The following NEURL1 variants were observed in gnomAD, a reference collection of about 807,000 sequenced individuals.
NEURL1 encodes neuralized E3 ubiquitin protein ligase 1, also known as E3 ubiquitin-protein ligase NEURL1.
NEURL1 carries 26 observed loss-of-function variants against 41.2 expected under a neutral mutation model. That is an observed-to-expected ratio of 0.63 (90% confidence interval 0.46 to 0.87). The LOEUF is 0.87. Ranked by LOEUF, NEURL1 falls within the 40% of genes least tolerant of loss-of-function variation. NEURL1 has a pLI of 0.00. For synonymous variants in NEURL1, 400 were observed against 402.3 expected (o/e 0.99, Z 0.07); for missense variants, 761 against 871.1 (o/e 0.87, Z 1.59).
chr10:103,528,501 C>T (rs1592198590), intron 1 of NEURL1, among the ~76,000 whole-genome samples: 2 of 149,968 alleles, frequency 1.3e-5, no homozygotes. Flanking sequence ...TGCCACTGCA[C>T]TCCAGCCTGG....
chr10:103,526,200 T>A (rs920034096), intron 1 of NEURL1, among the ~76,000 whole-genome samples: 1 of 151,912 alleles, frequency 6.6e-6, no homozygotes, highest in Non-Finnish European at 1.5e-5. Context: ...TAGCTTTCTT[T>A]TTTTTGTTGT....
intron 4 of NEURL1, among the ~76,000 whole-genome samples, chr10:103,586,961 G>C (rs1340588491): frequency 1.1e-4 from 17 of 152,170 alleles, no homozygotes; most frequent in Admixed American, 1.1e-3. Context: ...TGAGGCAGGA[G>C]AATCACTTGA....
rs1419819384 is a variant in NEURL1 at position 103,584,919 on chromosome 10, T to C, written c.1033T>C (p.Ser345Pro). 1 of 1,472,912 alleles carries C rather than the reference T, an allele frequency of 6.8e-7. No individual in the cohort carries two copies. The highest frequency in any genetic ancestry group is 1.3e-5 in the South Asian group (1 of 77,316). 91.2% of individuals were successfully genotyped at this position (1,472,912 alleles called of 1,614,324 possible). ...AETIFVKVTR[S>P]GGARPGALSF... Reference sequence around the variant, plus strand: ...GACCATCTTCGTCAAGGTCACGCGCTCGGGTGGCGCGCGGCCCGGCGCGCT... The same window carrying C: ...GACCATCTTCGTCAAGGTCACGCGCCCGGGTGGCGCGCGGCCCGGCGCGCT... The change falls in exon 4 of 6, where the codon TCG becomes CCG. Residue 345 changes from serine to proline, a missense_variant. By Grantham distance (74) the Ser-to-Pro change is moderately conservative. Transcript: ENST00000369780.
Position 103,587,124 on chromosome 10 carries a change from G to A in NEURL1, c.1339+1899G>A, listed in dbSNP as rs80130740. Among the ~76,000 whole-genome samples, 176 of 152,172 alleles carry A rather than the reference G, an allele frequency of 1.2e-3. 4 individuals are homozygous for A. In the East Asian group the frequency reaches 0.031, roughly 27 times the overall value. The stretch of plus-strand genomic sequence containing the variant: ...AGCAGGCAAGATGAATCAGGCTTGG[G>A]TGAGAATTCAAGATGGAATAAAAAG... On this transcript the variant is annotated intron_variant, in intron 4 of 5. Transcript: ENST00000369780.
intron 1 of NEURL1, among the ~76,000 whole-genome samples, chr10:103,552,041 T>C (rs528925923): frequency 1.3e-5 from 2 of 151,780 alleles, no homozygotes; most frequent in South Asian, 4.2e-4. Flanking sequence ...TGAGATGTTT[T>C]CTGAGTGCCT....
intron 1 of NEURL1, among the ~76,000 whole-genome samples, chr10:103,505,568 T>C (rs575812646): frequency 3.9e-5 from 6 of 152,318 alleles, no homozygotes; most frequent in Non-Finnish European, 8.8e-5. Context: ...TGTCACTATG[T>C]TGCCCAGGCT....
At chr10:103,495,926 G>A (rs1488738631) in intron 1 of NEURL1, among the ~76,000 whole-genome samples, 4 of 152,170 alleles carry the variant, frequency 2.6e-5, no homozygotes, top group Non-Finnish European at 4.4e-5. Flanking sequence ...TGGCCAACAT[G>A]GCGAAACACT....
chr10:103,515,090 T>A (rs1785256763), intron 1 of NEURL1, among the ~76,000 whole-genome samples: 1 of 151,872 alleles, frequency 6.6e-6, no homozygotes, highest in Admixed American at 6.6e-5. Flanking sequence ...TAGCCAGGTG[T>A]GGTGATGGGC....
At chr10:103,559,276 C>G (rs531882022) in intron 1 of NEURL1, among the ~76,000 whole-genome samples, 1 of 152,308 alleles carries the variant, frequency 6.6e-6, no homozygotes, top group African/African-American at 2.4e-5. Flanking sequence ...GTGCACATCC[C>G]CACACCTGGC....
At chr10:103,504,564 G>T (rs1414029922) in intron 1 of NEURL1, among the ~76,000 whole-genome samples, 1 of 152,174 alleles carries the variant, frequency 6.6e-6, no homozygotes, top group Non-Finnish European at 1.5e-5. Flanking sequence ...TGAGCGCCTG[G>T]CTGAGGGAGT....
At chr10:103,530,436 A>G (rs2034546027) in intron 1 of NEURL1, among the ~76,000 whole-genome samples, 1 of 152,026 alleles carries the variant, frequency 6.6e-6, no homozygotes, top group Non-Finnish European at 1.5e-5. Flanking sequence ...GTATTGACCC[A>G]TTGATTGTTC....
intron 3 of NEURL1, among the ~76,000 whole-genome samples, 193 bp downstream of exon 3, chr10:103,572,015 G>T (rs1208279007): frequency 6.6e-6 from 1 of 152,234 alleles, no homozygotes; most frequent in African/African-American, 2.4e-5. Context: ...TGGCTTTGCA[G>T]TGGAACCTGG....
chr10:103,516,429 T>C (rs1449736497), intron 1 of NEURL1, among the ~76,000 whole-genome samples: 1 of 150,506 alleles, frequency 6.6e-6, no homozygotes, highest in East Asian at 2.0e-4. Context: ...AGGTTGAGTT[T>C]TGGCCAGGGT....
At chr10:103,525,985 G>A (rs1462132549) in intron 1 of NEURL1, among the ~76,000 whole-genome samples, 1 of 152,090 alleles carries the variant, frequency 6.6e-6, no homozygotes. Context: ...AGTACTTTTT[G>A]TGCATCTATT....
At chr10:103,524,772 G>T (rs1249960643) in intron 1 of NEURL1, among the ~76,000 whole-genome samples, 1 of 152,058 alleles carries the variant, frequency 6.6e-6, no homozygotes, top group Non-Finnish European at 1.5e-5. Context: ...ATGGGTTTAT[G>T]TCTGGATTTC....
intron 1 of NEURL1, among the ~76,000 whole-genome samples, chr10:103,502,165 C>T (rs73330699): frequency 0.034 from 5,202 of 152,308 alleles, 323 homozygotes; most frequent in African/African-American, 0.12. Flanking sequence ...GCTGGGATCT[C>T]TACTCAGGAC....
rs2034908584 is a variant in NEURL1, at chr10:103,545,580, G to A, written c.86-25292G>A. Among the ~76,000 whole-genome samples the A allele has an allele frequency of 2.0e-5, 3 of 152,162 alleles. No homozygotes were observed. The highest frequency in any genetic ancestry group is 2.1e-4 in the South Asian group (1 of 4,818). On this transcript the variant is annotated intron_variant, in intron 1 of 5. Coordinates refer to ENST00000369780, the MANE Select transcript of NEURL1 (RefSeq NM_004210.5). The surrounding 1 kb of genome is among the most constrained non-coding windows in gnomAD (Gnocchi z 4.5). ...CTGTGGCCCAGCAGCTGGCATGGCC[G>A]GTGTCCTCTGGGCTCTAGGTCATGG...
chr10:103,525,358 C>CTTTTTTTTTTT (rs554506607), intron 1 of NEURL1, among the ~76,000 whole-genome samples: 2 of 136,096 alleles, frequency 1.5e-5, no homozygotes, highest in Admixed American at 7.4e-5. Flanking sequence ...TTTCTTTTTT[C>CTTTTTTTTTTT]TTTTTTTTTT....
intron 1 of NEURL1, among the ~76,000 whole-genome samples, chr10:103,503,780 C>A (rs2033878956): frequency 1.4e-5 from 2 of 139,462 alleles, no homozygotes; most frequent in Non-Finnish European, 3.0e-5. Flanking sequence ...ATGCTGTGCT[C>A]CCCCTGGCTT....
Sources: allele counts gnomAD v4.1 joint callset (sites outside exome capture counted in the v4.1 genomes callset), GRCh38; gene constraint gnomAD v4.1.1; non-coding constraint Gnocchi (gnomAD v3.1); transcripts MANE v1.5; gene names NCBI Gene and HGNC (gene_info 2026-07-23, HGNC 2026-07-21).